The following RFC5 variants were observed in gnomAD, a reference collection of about 807,000 sequenced individuals.
The protein encoded by RFC5 is A1 36 kDa subunit.
A neutral mutation model predicts 44.3 loss-of-function variants in RFC5; 26 were observed. That is an observed-to-expected ratio of 0.59 (90% CI 0.43 to 0.81). The LOEUF is 0.81. RFC5 is among the 40% of genes least tolerant of loss of function. RFC5 has a pLI of 0.00. For synonymous variants in RFC5, 155 were observed against 155.2 expected (o/e 1.00, Z 0.01); for missense variants, 328 against 418.6 (o/e 0.78, Z 1.89).
At chr12:118,017,128 CGAA>C (rs1319162045) in intron 1 of RFC5, among the ~76,000 whole-genome samples, 1 of 152,168 alleles carries the variant, frequency 6.6e-6, no homozygotes, top group South Asian at 2.1e-4. Flanking sequence ...CTCCATTTGC[CGAA>C]GAAGAAGGCG....
At chr12:118,023,504 T>TGGG (rs2030695797) in intron 5 of RFC5, among the ~76,000 whole-genome samples, 2 of 23,496 alleles carry the variant, frequency 8.5e-5, no homozygotes, top group African/African-American at 4.3e-4. Flanking sequence ...GGAGGAGAGG[T>TGGG]GGGGGAGGAG....
rs985679407 is a variant in RFC5 at position 118,025,848 on chromosome 12, C to A, written c.663+20C>A. The A allele has an allele frequency of 9.9e-7, 1 of 1,009,346 alleles. No homozygotes were observed. Among genetic ancestry groups the A allele is most frequent in the Non-Finnish European group, 1.5e-6 (1 of 680,720 alleles). 62.5% of individuals were successfully genotyped at this position (1,009,346 alleles called of 1,614,324 possible). ...TTGCAGGTATGGTCTCAAGCAAATC[C>A]TTTTTTTTTTTTTTTTTTGAGACAG... On this transcript the variant is annotated intron_variant, in intron 7 of 10. Coordinates refer to ENST00000454402, the MANE Select transcript of RFC5 (RefSeq NM_007370.7).
chr12:118,035,464 G>T, downstream of RFC5: 1 of 698,696 alleles, frequency 1.4e-6, no homozygotes. Flanking sequence ...GGAAAAGCTT[G>T]GGATTTGCAC....
At chr12:118,017,626 A>C in intron 1 of RFC5, 1 of 1,018,124 alleles carries the variant, frequency 9.8e-7, no homozygotes. Context: ...TATTGTGGTT[A>C]AAAAAAACCC....
At chr12:118,020,837 C>A in intron 3 of RFC5, 69 bp from the exon 4 acceptor site, 1 of 979,926 alleles carries the variant, frequency 1.0e-6, no homozygotes, top group Non-Finnish European at 1.6e-6. Flanking sequence ...AGGAAATACA[C>A]TAACACCAAG....
At position 118,019,802 on chromosome 12, in the gene RFC5, T is replaced by C; in HGVS notation, c.267+34T>C. 1.9e-6 allele frequency: 3 copies of C among 1,560,532 alleles called. No individual in the cohort carries two copies. The highest frequency in any genetic ancestry group is 2.6e-6 in the Non-Finnish European group (3 of 1,140,986). ...GATTGTTCTTACTCTACAAATAACT[T>C]AAGAGACTCCAGTCTCTTAATTTCA... On this transcript the variant is annotated intron_variant, in intron 3 of 10. Transcript: ENST00000454402. The surrounding 1 kb of genome is among the most constrained non-coding windows in gnomAD (Gnocchi z 4.2).
intron 7 of RFC5, among the ~76,000 whole-genome samples, chr12:118,026,592 C>G (rs1037171288): frequency 2.0e-5 from 3 of 152,128 alleles, no homozygotes; most frequent in Admixed American, 6.6e-5. Context: ...GAGCAAGACC[C>G]TGTCTCAAAA....
chr12:118,028,065 G>T lies in RFC5; in HGVS notation c.871+35G>T, dbSNP rs767595610. The T allele has an allele frequency of 3.6e-6, 5 of 1,374,800 alleles. No individual in the cohort carries two copies. In the South Asian group the frequency reaches 4.6e-5, roughly 13 times the overall value. 85.2% of individuals were successfully genotyped at this position (1,374,800 alleles called of 1,614,324 possible). ...ATTATCCCCCAGCTGAGAAGCTGTG[G>T]AGAAGGTAGCCTGCTTTGGGGTTAA... On this transcript the variant is annotated intron_variant, in intron 9 of 10. Coordinates refer to ENST00000454402, the MANE Select transcript of RFC5 (RefSeq NM_007370.7).
At chr12:118,027,046 C>A in intron 8 of RFC5, 28 bp downstream of exon 8, 1 of 1,602,338 alleles carries the variant, frequency 6.2e-7, no homozygotes, top group Non-Finnish European at 8.5e-7. Flanking sequence ...CTCCTGGCCA[C>A]CGAGACCTGA....
At chr12:118,036,215 T>C, downstream of RFC5, 1 of 1,178,000 alleles carries the variant, frequency 8.5e-7, no homozygotes, top group Admixed American at 2.2e-5. Context: ...AGAGACCCAC[T>C]GTGCCTTTTT....
intron 6 of RFC5, chr12:118,025,344 A>G: frequency 3.1e-6 from 1 of 326,252 alleles, no homozygotes. Flanking sequence ...ACTAGAAGGG[A>G]AGGTTCTAAG....
intron 5 of RFC5, 92 bp from the exon 6 acceptor site, chr12:118,024,759 C>A: frequency 1.8e-6 from 2 of 1,081,894 alleles, no homozygotes; most frequent in Non-Finnish European, 2.7e-6. Context: ...TTTTCCTATA[C>A]CCTTGTGACC....
chr12:118,031,115 T>G (rs1054266298), intron 10 of RFC5, 67 bp from the exon 11 acceptor site: 1 of 1,095,882 alleles, frequency 9.1e-7, no homozygotes. Context: ...CTAGATCTCT[T>G]GGTCCCTTAA....
chr12:118,035,283 T>C, downstream of RFC5: 1 of 1,614,228 alleles, frequency 6.2e-7, no homozygotes. Flanking sequence ...TGAGCTAATG[T>C]GGACGTCACT....
chr12:118,032,854 A>G (rs2031394046), downstream of RFC5: 1 of 152,042 alleles, frequency 6.6e-6, no homozygotes, highest in Admixed American at 6.6e-5. Flanking sequence ...TGCTTGTTTT[A>G]AAAGGGGACT....
chr12:118,024,266 G>A (rs546132951), intron 5 of RFC5, among the ~76,000 whole-genome samples: 8 of 151,406 alleles, frequency 5.3e-5, no homozygotes, highest in African/African-American at 1.5e-4. Context: ...GCTTTAATCC[G>A]GGAGGCAGAG....
At chr12:118,037,419 C>T (rs145960461), downstream of RFC5, among the ~76,000 whole-genome samples, 1 of 152,172 alleles carries the variant, frequency 6.6e-6, no homozygotes, top group South Asian at 2.1e-4. Context: ...GCAATCCCAG[C>T]ACTTTGGGAG....
chr12:118,016,836 C>A lies in RFC5; in HGVS notation c.9C>A (p.Thr3=). ...ACCTTCGTCTCCCCGCCATGGAGAC[C>A]TCAGCACTCAAGCAGCAGGAGCAGC... is the stretch of plus-strand genomic sequence containing the variant. ME[T]SALKQQEQPA... The change falls in exon 1 of 11, where the codon ACC becomes ACA. Residue 3 remains threonine (T), a synonymous_variant. Transcript: ENST00000454402. 1 of 1,613,276 alleles carries A rather than the reference C, an allele frequency of 6.2e-7. No individual in the cohort carries two copies. The highest frequency in any genetic ancestry group is 1.1e-5 in the South Asian group (1 of 90,958).
downstream of RFC5, among the ~76,000 whole-genome samples, chr12:118,037,524 C>T (rs1324580831): frequency 3.9e-5 from 6 of 152,114 alleles, no homozygotes. Context: ...AAAAATTAGC[C>T]AGGCGTGGTG....
Sources: gnomAD v4.1 joint callset for allele counts (sites outside exome capture counted in the v4.1 genomes callset) on GRCh38, gnomAD v4.1.1 for gene constraint, Gnocchi (gnomAD v3.1) non-coding constraint, MANE v1.5 for transcripts, NCBI Gene and HGNC (gene_info 2026-07-23, HGNC 2026-07-21) for gene names.